CRACR2A: variants seen among roughly 807,000 people sequenced by gnomAD.
CRACR2A encodes calcium release activated channel regulator 2A.
Under a neutral mutation model 90.5 loss-of-function variants are expected in CRACR2A, and 79 were observed. That is an observed-to-expected ratio of 0.87 (90% CI 0.73 to 1.05). CRACR2A has a LOEUF of 1.05. Among genes scored for constraint, CRACR2A ranks in the 50% least tolerant of loss-of-function variants. The pLI is 0.00. For synonymous variants in CRACR2A, 338 were observed against 356.7 expected, an observed-to-expected ratio of 0.95 and a Z score of 0.59; for missense variants, 823 against 897.2, an observed-to-expected ratio of 0.92 and a Z score of 1.06.
In CRACR2A at chr12:3,713,248, C is replaced by T. The variant is rs1033873653; in HGVS notation, c.-48G>A. ...GTTCGCTCACTCACCTTGCAGCTCC[C>T]GGCTCCTCGGAGGACCTGCAACTCT... is the stretch of plus-strand genomic sequence containing the variant. On this transcript the variant is annotated 5_prime_UTR_variant, in exon 3 of 20. Transcript: ENST00000440314. 3.7e-5 allele frequency: 36 copies of T among 985,228 alleles called. No homozygotes were observed. The highest frequency in any genetic ancestry group is 4.1e-5 in the Non-Finnish European group (34 of 829,964). The allele number at this position is 985,228 out of a possible 1,614,324, so 61.0% of individuals were successfully genotyped here. A position where few individuals can be genotyped will look rare whatever the true frequency, so the allele number is the denominator to read the frequency against.
intron 2 of CRACR2A, among the ~76,000 whole-genome samples, chr12:3,722,135 G>C (rs1371492522): frequency 1.3e-5 from 2 of 152,246 alleles, no homozygotes; most frequent in Admixed American, 1.3e-4. Context: ...TATTCATTCT[G>C]TAACCATACT....
intron 14 of CRACR2A, 31 bp downstream of exon 14, chr12:3,638,093 G>GT (rs1565467660): frequency 6.6e-7 from 1 of 1,507,872 alleles, no homozygotes; most frequent in Non-Finnish European, 8.9e-7. Context: ...TAGAAGTGAT[G>GT]TGCATGAACC....
At chr12:3,615,769 G>A (rs1867667768) in intron 19 of CRACR2A, among the ~76,000 whole-genome samples, 3 of 152,204 alleles carry the variant, frequency 2.0e-5, no homozygotes, top group Admixed American at 6.5e-5. Context: ...GTCACAATGC[G>A]TGACTTCCCT....
intron 7 of CRACR2A, among the ~76,000 whole-genome samples, chr12:3,666,914 A>G (rs1055637625): frequency 2.6e-5 from 4 of 152,242 alleles, no homozygotes; most frequent in East Asian, 1.9e-4. Context: ...TGTAAATGAA[A>G]GCGTAGGCTT....
intron 2 of CRACR2A, among the ~76,000 whole-genome samples, chr12:3,722,630 A>C (rs2137818234): frequency 6.6e-6 from 1 of 152,316 alleles, no homozygotes; most frequent in Admixed American, 6.5e-5. Flanking sequence ...TTCTGATGTC[A>C]GCACAGGACA....
intron 1 of CRACR2A, among the ~76,000 whole-genome samples, chr12:3,749,542 A>G (rs1946674341): frequency 6.6e-6 from 1 of 151,998 alleles, no homozygotes; most frequent in African/African-American, 2.4e-5. Flanking sequence ...TGATCCTTAC[A>G]GCCATCCTCT....
intron 4 of CRACR2A, among the ~76,000 whole-genome samples, chr12:3,688,598 C>T (rs1052730925): frequency 2.6e-5 from 4 of 152,080 alleles, no homozygotes; most frequent in South Asian, 2.1e-4. Flanking sequence ...ATAGCCCTGT[C>T]GTATAGTTTG....
At chr12:3,620,274 A>G (rs1446280017) in intron 17 of CRACR2A, among the ~76,000 whole-genome samples, 1 of 152,244 alleles carries the variant, frequency 6.6e-6, no homozygotes, top group Admixed American at 6.5e-5. Flanking sequence ...TTTTTACTTA[A>G]ATATTTAATT....
At chr12:3,646,200 T>C (rs1204829723) in intron 11 of CRACR2A, among the ~76,000 whole-genome samples, 1 of 152,234 alleles carries the variant, frequency 6.6e-6, no homozygotes, top group Non-Finnish European at 1.5e-5. Context: ...GCAGCGCGAC[T>C]GCAGAATGCA....
intron 8 of CRACR2A, 62 bp downstream of exon 8, chr12:3,659,502 G>C: frequency 6.8e-7 from 1 of 1,479,596 alleles, no homozygotes; most frequent in Non-Finnish European, 9.4e-7. Flanking sequence ...CTTAAACCTG[G>C]GGGAGACAGA....
intron 2 of CRACR2A, chr12:3,727,948 C>A (rs910941329): frequency 6.6e-6 from 1 of 152,064 alleles, no homozygotes; most frequent in Non-Finnish European, 1.5e-5. Context: ...AATGAGGAAA[C>A]AGGCCCAAGA....
intron 3 of CRACR2A, 120 bp downstream of exon 3, chr12:3,713,117 T>G (rs1946029944): frequency 1.0e-5 from 3 of 292,716 alleles, no homozygotes; most frequent in African/African-American, 2.3e-5. Context: ...CCACTGCTGA[T>G]CCTCATGAAT....
chr12:3,627,549 A>G lies in CRACR2A; in HGVS notation c.1819T>C (p.Tyr607His). The G allele has an allele frequency of 7.7e-6, 12 of 1,550,692 alleles. No homozygotes were observed. Among genetic ancestry groups the G allele is most frequent in the African/African-American group, 1.4e-5 (1 of 73,138 alleles). ...QLWDTAGQER[Y>H]RCITQQFFRK... is the part of the protein sequence containing the mutation. Reference sequence around the variant, plus strand: ...AAGAACTGCTGGGTGATGCACCGGTACCTGCCACAGAAGGGCCACGGGTCA... The same window carrying G: ...AAGAACTGCTGGGTGATGCACCGGTGCCTGCCACAGAAGGGCCACGGGTCA... The change falls in exon 17 of 20, where the codon TAC (tyrosine) becomes CAC (histidine). Residue 607 changes from tyrosine (Y) to histidine (H), a missense_variant and splice_region_variant. Physicochemically the swap from Tyr to His is moderately conservative, Grantham distance 83 (BLOSUM62 2). Transcript: ENST00000440314.
chr12:3,678,085 A>C (rs2137602506), intron 6 of CRACR2A, among the ~76,000 whole-genome samples: 1 of 152,300 alleles, frequency 6.6e-6, no homozygotes, highest in African/African-American at 2.4e-5. Context: ...ATCTAACCCA[A>C]GACCTAAGGA....
Position 3,746,824 on chromosome 12 carries a change from T to C in CRACR2A, c.-387+6191A>G, listed in dbSNP as rs1279663306. Reference sequence around the variant, plus strand: ...AAGGACCAACAAGGGGAGGAGTACATCTCAACAAGTTGGTTGAGAAGGACC... The same window carrying C: ...AAGGACCAACAAGGGGAGGAGTACACCTCAACAAGTTGGTTGAGAAGGACC... On this transcript the variant is annotated intron_variant, in intron 1 of 19. Transcript: ENST00000440314. This position sits in a 1 kb window ranked among gnomAD's most constrained non-coding sequence, Gnocchi z 4.4. Among the ~76,000 whole-genome samples, 1 of 152,008 alleles carries C rather than the reference T, an allele frequency of 6.6e-6. No homozygotes were observed. Among genetic ancestry groups the C allele is most frequent in the Non-Finnish European group, 1.5e-5 (1 of 67,994 alleles).
Position 3,615,329 on chromosome 12 carries a change from C to T in CRACR2A, c.*26G>A, listed in dbSNP as rs935300396. On this transcript the variant is annotated 3_prime_UTR_variant, in exon 20 of 20. Transcript: ENST00000440314. Reference sequence around the variant, plus strand: ...GGCAGGCTCTGTGACCTCAGGTTTGCTGGGGGCAGTCCTTGTAGGACCCTA... The same window carrying T: ...GGCAGGCTCTGTGACCTCAGGTTTGTTGGGGGCAGTCCTTGTAGGACCCTA... 5 of 1,547,966 alleles carry T rather than the reference C, an allele frequency of 3.2e-6. No homozygotes were observed. Among genetic ancestry groups the T allele is most frequent in the Non-Finnish European group, 2.6e-6 (3 of 1,143,734 alleles).
chr12:3,740,561 C>T (rs2137894681), intron 1 of CRACR2A, among the ~76,000 whole-genome samples: 1 of 152,262 alleles, frequency 6.6e-6, no homozygotes, highest in South Asian at 2.1e-4. Context: ...TATTAAGTGC[C>T]TCCACAGTCA....
chr12:3,640,746 A>G, intron 13 of CRACR2A: 1 of 1,305,322 alleles, frequency 7.7e-7, no homozygotes, highest in South Asian at 1.2e-5. Context: ...TCTGATACTG[A>G]AGAGTCGGGA....
chr12:3,706,386 GTTAT>G (rs1198068702), intron 3 of CRACR2A, among the ~76,000 whole-genome samples: 1 of 152,212 alleles, frequency 6.6e-6, no homozygotes, highest in African/African-American at 2.4e-5. Context: ...ATAGGAGAGT[GTTAT>G]TTATTTCTTT....
Sources: allele counts gnomAD v4.1 joint callset (sites outside exome capture counted in the v4.1 genomes callset), GRCh38; gene constraint gnomAD v4.1.1; non-coding constraint Gnocchi (gnomAD v3.1); transcripts MANE v1.5; gene names NCBI Gene and HGNC (gene_info 2026-07-23, HGNC 2026-07-21).